Variants in PAFAH1B2 observed in about 807,000 individuals in gnomAD.
PAFAH1B2 encodes the protein platelet activating factor acetylhydrolase 1b catalytic subunit 2, also known as platelet-activating factor acetylhydrolase IB subunit alpha2.
PAFAH1B2 carries 8 observed loss-of-function variants against 28.0 expected under a neutral mutation model. That is an observed-to-expected ratio of 0.29 (90% CI 0.17 to 0.52). PAFAH1B2 has a LOEUF of 0.52. Ranked by LOEUF, PAFAH1B2 falls within the 20% of genes least tolerant of loss-of-function variation. The probability of loss-of-function intolerance (pLI) is 0.97; values close to 1 mark genes in which losing one functional copy is unlikely to be tolerated. For synonymous variants in PAFAH1B2, 104 were observed against 103.2 expected (o/e 1.01, Z -0.05); for missense variants, 190 against 282.6 (o/e 0.67, Z 2.35).
chr11:117,145,425 A>T (rs1011710094), intron 1 of PAFAH1B2, among the ~76,000 whole-genome samples: 1 of 111,528 alleles, frequency 9.0e-6, no homozygotes, highest in Non-Finnish European at 1.9e-5. Flanking sequence ...GTACAGCTTG[A>T]AATTATGGGA....
intron 1 of PAFAH1B2, among the ~76,000 whole-genome samples, chr11:117,147,783 C>T (rs905007543): frequency 5.9e-5 from 9 of 152,180 alleles, no homozygotes; most frequent in African/African-American, 2.4e-5. Context: ...GAAGGATCAC[C>T]TTGTATTCAT....
chr11:117,174,557 C>T (rs908411572), downstream of PAFAH1B2, among the ~76,000 whole-genome samples: 6 of 151,170 alleles, frequency 4.0e-5, no homozygotes, highest in African/African-American at 1.2e-4. Flanking sequence ...CAGCTCACCG[C>T]AACCTCTGCC....
chr11:117,169,946 C>T lies in PAFAH1B2; in HGVS notation c.*2247C>T. The T allele has an allele frequency of 1.9e-6, 2 of 1,053,250 alleles. No individual in the cohort carries two copies. The highest frequency in any genetic ancestry group is 2.3e-6 in the Non-Finnish European group (2 of 871,720). 65.2% of individuals were successfully genotyped at this position (1,053,250 alleles called of 1,614,324 possible). On this transcript the variant is annotated 3_prime_UTR_variant, in exon 6 of 6. Transcript: ENST00000527958. ...TCAAATATCCCTTTGTGAGCTGGCC[C>T]TCAGCTCCTTTGCTCATGTGTACAA...
intron 1 of PAFAH1B2, among the ~76,000 whole-genome samples, chr11:117,150,079 A>G (rs1209660134): frequency 6.6e-6 from 1 of 152,182 alleles, no homozygotes; most frequent in East Asian, 1.9e-4. Context: ...ATTTAAGCCT[A>G]GAATTGAACT....
At chr11:117,161,401 C>T in intron 4 of PAFAH1B2, 140 bp downstream of exon 4, 2 of 532,902 alleles carry the variant, frequency 3.8e-6, no homozygotes, top group Non-Finnish European at 6.6e-6. Flanking sequence ...GTAAATGATA[C>T]TGTCATTGCT....
At chr11:117,174,131 C>A (rs958255375), downstream of PAFAH1B2, among the ~76,000 whole-genome samples, 1 of 151,182 alleles carries the variant, frequency 6.6e-6, no homozygotes, top group Non-Finnish European at 1.5e-5. Flanking sequence ...GTGATTCTTA[C>A]AAAATCCTGC....
chr11:117,166,135 G>A (rs977845411), intron 5 of PAFAH1B2, among the ~76,000 whole-genome samples: 1 of 152,098 alleles, frequency 6.6e-6, no homozygotes, highest in Non-Finnish European at 1.5e-5. Context: ...GAGCCACTGC[G>A]CCAGACCAGG....
chr11:117,157,298 A>C (rs979878400), intron 2 of PAFAH1B2, among the ~76,000 whole-genome samples: 6 of 151,378 alleles, frequency 4.0e-5, no homozygotes, highest in African/African-American at 1.5e-4. Flanking sequence ...ATATATATAT[A>C]TATATAGTTT....
At chr11:117,175,388 G>A, downstream of PAFAH1B2, 1 of 1,073,170 alleles carries the variant, frequency 9.3e-7, no homozygotes, top group Non-Finnish European at 1.1e-6. Flanking sequence ...GTGCGGGGTA[G>A]GGCAGAGGGA....
exon 6 of PAFAH1B2, chr11:117,176,341 A>G (rs2029983606): frequency 7.2e-6 from 2 of 279,250 alleles, no homozygotes; most frequent in East Asian, 1.1e-4. Flanking sequence ...CATAACTACA[A>G]CAGTACCTGG....
In PAFAH1B2 at chr11:117,169,680, T is replaced by A. The variant is rs755275688; in HGVS notation, c.*1981T>A. On this transcript the variant is annotated 3_prime_UTR_variant, in exon 6 of 6. Coordinates refer to ENST00000527958, the MANE Select transcript of PAFAH1B2 (RefSeq NM_002572.4). ...TCCACATGGTGTTTACTAAACTTGT[T>A]TACGACATTAAAAATTTCCTTTTTA... 1 of 1,055,902 alleles carries A rather than the reference T, an allele frequency of 9.5e-7. No individual in the cohort carries two copies. The highest frequency in any genetic ancestry group is 1.1e-6 in the Non-Finnish European group (1 of 873,178). 65.4% of individuals were successfully genotyped at this position (1,055,902 alleles called of 1,614,324 possible).
intron 1 of PAFAH1B2, among the ~76,000 whole-genome samples, 179 bp downstream of exon 1, chr11:117,144,597 A>G (rs1955948989): frequency 7.0e-6 from 1 of 142,860 alleles, no homozygotes; most frequent in African/African-American, 2.7e-5. Flanking sequence ...CTGCGGGCCC[A>G]GCGTCGGCTT....
intron 5 of PAFAH1B2, among the ~76,000 whole-genome samples, chr11:117,164,406 CA>C (rs11418579): frequency 5.4e-5 from 8 of 149,170 alleles, no homozygotes; most frequent in South Asian, 4.2e-4. Context: ...GACTCCGTCT[CA>C]AAAAAAAAAA....
At chr11:117,174,816 T>C (rs1956745092), downstream of PAFAH1B2, 17 of 861,728 alleles carry the variant, frequency 2.0e-5, no homozygotes, top group African/African-American at 3.5e-5. Context: ...GCTTTTACCA[T>C]GTTGGCCAGG....
chr11:117,168,324 TC>T lies in PAFAH1B2; in HGVS notation c.*626del. 2.8e-6 allele frequency: 3 copies of T among 1,064,534 alleles called. No homozygotes were observed. The highest frequency in any genetic ancestry group is 3.4e-6 in the Non-Finnish European group (3 of 878,760). 65.9% of individuals were successfully genotyped at this position (1,064,534 alleles called of 1,614,324 possible). On this transcript the variant is annotated 3_prime_UTR_variant, in exon 6 of 6. Coordinates refer to ENST00000527958, the MANE Select transcript of PAFAH1B2 (RefSeq NM_002572.4). ...ACAGGTTTTGCCCCAGTAGAGGGATTCTTTGGAGGGTATTATTTTTTATGCT... is the reference window on the plus strand; with the variant it reads ...ACAGGTTTTGCCCCAGTAGAGGGATTTTTGGAGGGTATTATTTTTTATGCT...
chr11:117,175,057 G>T (rs2029898169), downstream of PAFAH1B2: 1 of 1,308,154 alleles, frequency 7.6e-7, no homozygotes, highest in Non-Finnish European at 9.7e-7. Context: ...GTGTTGAATG[G>T]TCCCATTTCT....
Position 117,169,908 on chromosome 11 carries a change from T to C in PAFAH1B2, c.*2209T>C, listed in dbSNP as rs1956609695. ...CTGCAGCATGCGCTTTTAGCTTCTC[T>C]CTTGACTGAGGATCAAATATCCCTT... On this transcript the variant is annotated 3_prime_UTR_variant, in exon 6 of 6. Transcript: ENST00000527958. 9.5e-7 allele frequency: 1 copy of C among 1,054,064 alleles called. No individual in the cohort carries two copies. The highest frequency in any genetic ancestry group is 4.6e-5 in the South Asian group (1 of 21,888). 65.3% of individuals were successfully genotyped at this position (1,054,064 alleles called of 1,614,324 possible).
Position 117,170,798 on chromosome 11 carries a change from G to A in PAFAH1B2, c.*3099G>A. On this transcript the variant is annotated 3_prime_UTR_variant, in exon 6 of 6. Transcript: ENST00000527958. ...GAAACTAAAAATATATGGAAATGAG[G>A]AGCATGTCCAAGCTCCTAAATCCGT... 1 of 1,060,312 alleles carries A rather than the reference G, an allele frequency of 9.4e-7. No individual in the cohort carries two copies. Among genetic ancestry groups the A allele is most frequent in the Non-Finnish European group, 1.1e-6 (1 of 876,194 alleles). The allele number at this position is 1,060,312 out of a possible 1,614,324, so 65.7% of individuals were successfully genotyped here. A position where few individuals can be genotyped will look rare whatever the true frequency, so the allele number is the denominator to read the frequency against.
At chr11:117,174,143 C>G (rs1447716692), downstream of PAFAH1B2, among the ~76,000 whole-genome samples, 1 of 149,084 alleles carries the variant, frequency 6.7e-6, no homozygotes, top group Non-Finnish European at 1.5e-5. Context: ...AAATCCTGCT[C>G]GAGTGCAGTC....
Sources: gnomAD v4.1 joint callset for allele counts (sites outside exome capture counted in the v4.1 genomes callset) on GRCh38, gnomAD v4.1.1 for gene constraint, MANE v1.5 for transcripts, NCBI Gene and HGNC (gene_info 2026-07-23, HGNC 2026-07-21) for gene names.